The following SNX33 variants were observed in gnomAD, a reference collection of about 807,000 sequenced individuals.
The protein encoded by SNX33 is sorting nexin 33, also known as sorting nexin-33.
Under a neutral mutation model 38.8 loss-of-function variants are expected in SNX33, and 19 were observed. The observed-to-expected ratio is 0.49, with a 90% CI of 0.34 to 0.72. The LOEUF is 0.72. Ranked by LOEUF, SNX33 falls within the 30% of genes least tolerant of loss-of-function variation. The pLI is 0.01. For missense variants in SNX33, 641 were observed against 776.4 expected (o/e 0.83, Z 2.07); for synonymous variants, 246 against 289.7 (o/e 0.85, Z 1.53).
Position 75,649,710 on chromosome 15 carries a change from C to T in SNX33, c.608C>T (p.Pro203Leu). The T allele has an allele frequency of 1.3e-6, 2 of 1,548,102 alleles. No individual in the cohort carries two copies. The highest frequency in any genetic ancestry group is 1.7e-6 in the Non-Finnish European group (2 of 1,143,916). The change falls in exon 1 of 2, where the codon CCC (proline) becomes CTC (leucine). Residue 203 changes from proline to leucine, a missense_variant. Coordinates refer to ENST00000308527, the MANE Select transcript of SNX33 (RefSeq NM_153271.2). The surrounding 1 kb of genome is among the most constrained non-coding windows in gnomAD (Gnocchi z 6.6). ...GAGGCCTTCATCCTGGGTGATGTGC[C>T]CATGATGGCCAAGATCGCTGAGACA... ...GVEAFILGDV[P>L]MMAKIAETYS...
intron 1 of SNX33, among the ~76,000 whole-genome samples, chr15:75,653,290 A>G (rs761227174): frequency 6.6e-6 from 1 of 152,140 alleles, no homozygotes; most frequent in Non-Finnish European, 1.5e-5. Flanking sequence ...CTCCTAAGAG[A>G]AGGGTAACCA....
intron 1 of SNX33, among the ~76,000 whole-genome samples, chr15:75,655,787 C>T (rs1893645945): frequency 1.3e-5 from 2 of 152,100 alleles, no homozygotes; most frequent in Non-Finnish European, 2.9e-5. Context: ...GTAGTGGGTG[C>T]GTTTGCAGTG....
rs1893587175 is a variant in SNX33 at position 75,652,003 on chromosome 15, TCTG to T, written c.1471+1431_1471+1433del. ...TATATCCTCTTCCTCTTCCTTTCTT[TCTG>T]TTTTTTTTTTTTTTTCTCTCATCTC... is the stretch of plus-strand genomic sequence containing the variant. On this transcript the variant is annotated intron_variant, in intron 1 of 1. Coordinates refer to ENST00000308527, the MANE Select transcript of SNX33 (RefSeq NM_153271.2). Among the ~76,000 whole-genome samples the T allele has an allele frequency of 2.2e-5, 3 of 135,468 alleles. No homozygotes were observed. The Admixed American group carries it at 2.3e-4, about 11-fold the overall frequency. 88.9% of individuals were successfully genotyped at this position (135,468 alleles called of 152,430 possible).
In SNX33 at chr15:75,650,265, T is replaced by C; in HGVS notation, c.1163T>C (p.Met388Thr). ...VDTFKAFSKK[M>T]DDSVLQLSTV... ...ACTTTCAAGGCCTTCAGTAAGAAGA[T>C]GGACGACAGCGTCCTGCAGCTCAGC... The change falls in exon 1 of 2, where the codon ATG (methionine) becomes ACG (threonine). Residue 388 changes from methionine to threonine, a missense_variant. Physicochemically the swap from Met to Thr is moderately conservative, Grantham distance 81. Around this residue, in one of 2 missense-constraint regions of SNX33, gnomAD observed 398 missense variants for 542.5 expected, o/e 0.73. Transcript: ENST00000308527. This position sits in a 1 kb window ranked among gnomAD's most constrained non-coding sequence, Gnocchi z 6.1. 6.3e-7 allele frequency: 1 copy of C among 1,587,494 alleles called. No homozygotes were observed. Among genetic ancestry groups the C allele is most frequent in the Non-Finnish European group, 8.6e-7 (1 of 1,164,576 alleles).
chr15:75,650,032 C>T lies in SNX33; in HGVS notation c.930C>T (p.Leu310=), dbSNP rs768493301. The change falls in exon 1 of 2, where the codon CTC becomes CTT. Residue 310 remains leucine (L), a synonymous_variant. Coordinates refer to ENST00000308527, the MANE Select transcript of SNX33 (RefSeq NM_153271.2). This position sits in a 1 kb window ranked among gnomAD's most constrained non-coding sequence, Gnocchi z 6.1. ...EDFIEKRKRR[L]ILWMDHMTSH... is the part of the protein sequence containing the mutation. ...TCATCGAAAAGCGGAAGCGGAGACT[C>T]ATCCTCTGGATGGACCACATGACCA... 4 of 1,607,028 alleles carry T rather than the reference C, an allele frequency of 2.5e-6. No individual in the cohort carries two copies. The highest frequency in any genetic ancestry group is 1.3e-5 in the African/African-American group (1 of 74,648).
chr15:75,658,943 A>T lies in SNX33; in HGVS notation c.*1728A>T, dbSNP rs142540121. ...CTTGTGATCTGGGGCTGAGGGTTGTATGAGGAAGGGACAGGACGCTGTGCC... is the reference window on the plus strand; with the variant it reads ...CTTGTGATCTGGGGCTGAGGGTTGTTTGAGGAAGGGACAGGACGCTGTGCC... On this transcript the variant is annotated 3_prime_UTR_variant, in exon 2 of 2. Transcript: ENST00000308527. This position sits in a 1 kb window ranked among gnomAD's most constrained non-coding sequence, Gnocchi z 4.1. 6.6e-6 allele frequency: 1 copy of T among 152,332 alleles called. No individual in the cohort carries two copies. Among genetic ancestry groups the T allele is most frequent in the Non-Finnish European group, 1.5e-5 (1 of 68,150 alleles). The allele number at this position is 152,332 out of a possible 1,614,324, so 9.4% of individuals were successfully genotyped here. A position where few individuals can be genotyped will look rare whatever the true frequency, so the allele number is the denominator to read the frequency against.
At position 75,650,945 on chromosome 15, in the gene SNX33, ATTG is replaced by A. The variant is rs147704003; in HGVS notation, c.1471+377_1471+379del. Among the ~76,000 whole-genome samples, 24,707 of 152,162 alleles carry A rather than the reference ATTG, an allele frequency of 0.16. 2,393 individuals carry two copies. The highest frequency in any genetic ancestry group is 0.22 in the Non-Finnish European group (15,236 of 67,972). On this transcript the variant is annotated intron_variant, in intron 1 of 1. Transcript: ENST00000308527. The surrounding 1 kb of genome is among the most constrained non-coding windows in gnomAD (Gnocchi z 6.1). Reference sequence around the variant, plus strand: ...CAAATGTGCTTCTAGGTGCAGGGATATTGTTGTGCACAGGCCCGGTCTCTGTCC... The same window carrying A: ...CAAATGTGCTTCTAGGTGCAGGGATATTGTGCACAGGCCCGGTCTCTGTCC...
intron 1 of SNX33, among the ~76,000 whole-genome samples, chr15:75,653,379 G>A (rs1893607687): frequency 6.6e-6 from 1 of 152,172 alleles, no homozygotes; most frequent in Non-Finnish European, 1.5e-5. Context: ...GAAAGTAACT[G>A]TCCAGGGCAA....
rs755343812 is a variant in SNX33, at chr15:75,649,957, G to A, written c.855G>A (p.Ser285=). The change falls in exon 1 of 2, where the codon TCG becomes TCA. Residue 285 remains serine (S), a synonymous_variant. Transcript: ENST00000308527. The surrounding 1 kb of genome is among the most constrained non-coding windows in gnomAD (Gnocchi z 6.6). ...NRLLHKFTVI[S]VPHLPEKQAT... ...TGCTACACAAGTTCACTGTCATCTC[G>A]GTGCCCCACCTGCCTGAGAAGCAGG... 50 of 1,604,626 alleles carry A rather than the reference G, an allele frequency of 3.1e-5. No individual in the cohort carries two copies. The highest frequency in any genetic ancestry group is 3.8e-5 in the Non-Finnish European group (45 of 1,175,918).
Position 75,657,141 on chromosome 15 carries a change from C to T in SNX33, c.1651C>T (p.Arg551Cys), listed in dbSNP as rs747006284. The T allele has an allele frequency of 1.7e-5, 28 of 1,614,034 alleles. No homozygotes were observed. The East Asian group carries it at 2.7e-4, about 15-fold the overall frequency. Residue 551 changes from arginine to cysteine, a missense_variant, in exon 2 of 2, where the codon CGC becomes TGC. Arg to Cys is a radical substitution (Grantham distance 180, BLOSUM62 -3). Coordinates refer to ENST00000308527, the MANE Select transcript of SNX33 (RefSeq NM_153271.2). This position sits in a 1 kb window ranked among gnomAD's most constrained non-coding sequence, Gnocchi z 5.5. ...CAAGCACATGATGCAGAACTACTTG[C>T]GCCAGCAGATCCTCTTCTACCAGCG... ...DFKHMMQNYL[R>C]QQILFYQRVG...
In SNX33 at chr15:75,654,633, A is replaced by G. The variant is rs145737017; in HGVS notation, c.1472-2329A>G. ...TCAGCTCTCAGGTTAAGTCTTAAGT[A>G]GAATGTCGGGGGGATGCTGGACAGG... On this transcript the variant is annotated intron_variant, in intron 1 of 1. Coordinates refer to ENST00000308527, the MANE Select transcript of SNX33 (RefSeq NM_153271.2). 5.8e-4 allele frequency among the ~76,000 whole-genome samples: 88 copies of G among 152,278 alleles called. No individual in the cohort carries two copies. The Middle Eastern group carries it at 0.014, about 24-fold the overall frequency.
chr15:75,653,743 A>G (rs1893614399), intron 1 of SNX33, among the ~76,000 whole-genome samples: 1 of 152,196 alleles, frequency 6.6e-6, no homozygotes, highest in African/African-American at 2.4e-5. Flanking sequence ...TGGCCAAGGC[A>G]AAGTGGCGAC....
chr15:75,649,637 G>A lies in SNX33; in HGVS notation c.535G>A (p.Val179Met), dbSNP rs781687758. The stretch of plus-strand genomic sequence containing the variant: ...GGCATCTGCCAAGCGAGGCAGTGTG[G>A]TGGGCCGTAACCTCAACCGTTTCTC... ...SLASAKRGSV[V>M]GRNLNRFSCF... is the part of the protein sequence containing the mutation. Residue 179 changes from valine (V) to methionine (M), a missense_variant, in exon 1 of 2, where the codon GTG (valine) becomes ATG (methionine). By Grantham distance (21) the Val-to-Met change is conservative (BLOSUM62 1). Coordinates refer to ENST00000308527, the MANE Select transcript of SNX33 (RefSeq NM_153271.2). This position sits in a 1 kb window ranked among gnomAD's most constrained non-coding sequence, Gnocchi z 6.6. The A allele has an allele frequency of 1.9e-6, 3 of 1,610,564 alleles. No individual in the cohort carries two copies. The highest frequency in any genetic ancestry group is 2.5e-6 in the Non-Finnish European group (3 of 1,178,056).
At position 75,660,132 on chromosome 15, in the gene SNX33, G is replaced by A. The variant is rs971415292; in HGVS notation, c.*2917G>A. ...GTTTCCTCCCTTACTTTGCTCTGAG[G>A]GGGTGGAAAACAAGGCTTCTCTTTC... On this transcript the variant is annotated 3_prime_UTR_variant, in exon 2 of 2. Coordinates refer to ENST00000308527, the MANE Select transcript of SNX33 (RefSeq NM_153271.2). 1 of 152,228 alleles carries A rather than the reference G, an allele frequency of 6.6e-6. No individual in the cohort carries two copies. The highest frequency in any genetic ancestry group is 2.4e-5 in the African/African-American group (1 of 41,438). The allele number at this position is 152,228 out of a possible 1,614,324, so 9.4% of individuals were successfully genotyped here. A position where few individuals can be genotyped will look rare whatever the true frequency, so the allele number is the denominator to read the frequency against.
chr15:75,652,679 C>T (rs1328298569), intron 1 of SNX33, among the ~76,000 whole-genome samples: 1 of 152,200 alleles, frequency 6.6e-6, no homozygotes, highest in African/African-American at 2.4e-5. Context: ...CAGAGGCCAG[C>T]CCACTGCCTT....
At chr15:75,652,020 T>TC (rs2141397782) in intron 1 of SNX33, among the ~76,000 whole-genome samples, 1 of 151,790 alleles carries the variant, frequency 6.6e-6, no homozygotes, top group African/African-American at 2.4e-5. Flanking sequence ...TTTTTTTTTT[T>TC]TCTCTCATCT....
Position 75,658,833 on chromosome 15 carries a change from A to T in SNX33, c.*1618A>T, listed in dbSNP as rs1340178095. On this transcript the variant is annotated 3_prime_UTR_variant, in exon 2 of 2. Coordinates refer to ENST00000308527, the MANE Select transcript of SNX33 (RefSeq NM_153271.2). The surrounding 1 kb of genome is among the most constrained non-coding windows in gnomAD (Gnocchi z 4.1). ...CAGGAGGAGCTAGAGGCGGCTGTGGACCCCTGGGTGGATCCATCCCTCCCT... is the reference window on the plus strand; with the variant it reads ...CAGGAGGAGCTAGAGGCGGCTGTGGTCCCCTGGGTGGATCCATCCCTCCCT... 2 of 151,974 alleles carry T rather than the reference A, an allele frequency of 1.3e-5. No individual in the cohort carries two copies. The highest frequency in any genetic ancestry group is 4.8e-5 in the African/African-American group (2 of 41,350). The allele number at this position is 151,974 out of a possible 1,614,324, so 9.4% of individuals were successfully genotyped here. A position where few individuals can be genotyped will look rare whatever the true frequency, so the allele number is the denominator to read the frequency against.
intron 1 of SNX33, among the ~76,000 whole-genome samples, chr15:75,653,108 G>A (rs1306784148): frequency 6.6e-6 from 1 of 152,188 alleles, no homozygotes; most frequent in Non-Finnish European, 1.5e-5. Context: ...TGGGACCCGA[G>A]GGTCTTCATT....
chr15:75,653,588 T>C (rs1410740664), intron 1 of SNX33, among the ~76,000 whole-genome samples: 1 of 152,088 alleles, frequency 6.6e-6, no homozygotes, highest in African/African-American at 2.4e-5. Flanking sequence ...CCCTCCCAGA[T>C]GGGGGAGGGG....
Sources: gnomAD v4.1 joint callset for allele counts (sites outside exome capture counted in the v4.1 genomes callset) on GRCh38, gnomAD v4.1.1 for gene constraint, gnomAD v4.1.1 regional missense constraint, Gnocchi (gnomAD v3.1) non-coding constraint, MANE v1.5 for transcripts, NCBI Gene and HGNC (gene_info 2026-07-23, HGNC 2026-07-21) for gene names.